ROBO2: variants seen among roughly 807,000 people sequenced by gnomAD.
The protein encoded by ROBO2 is roundabout guidance receptor 2, also known as roundabout homolog 2.
A neutral mutation model predicts 160.8 loss-of-function variants in ROBO2; 53 were observed. That is an observed-to-expected ratio of 0.33 (90% CI 0.26 to 0.41). ROBO2 has a LOEUF of 0.41. Ranked by LOEUF, ROBO2 falls within the 10% of genes least tolerant of loss-of-function variation. The pLI, the probability that ROBO2 is intolerant of heterozygous loss-of-function variation, is 1.00. For missense variants in ROBO2, 1,577 were observed against 1,722.4 expected (o/e 0.92, Z 1.49); for synonymous variants, 664 against 611.7 (o/e 1.09, Z -1.26).
rs187049254 is a variant in ROBO2 at position 76,375,413 on chromosome 3, G to A, written c.109+437811G>A. On this transcript the variant is annotated intron_variant, in intron 2 of 26. Coordinates refer to the ROBO2 transcript ENST00000487694. ...CTCAAATAATCTTGAGTACTTCCAC[G>A]CATGCAGTCATGTATTCATCTAATA... 1.2e-4 allele frequency among the ~76,000 whole-genome samples: 19 copies of A among 152,018 alleles called. No individual in the cohort carries two copies. The East Asian group carries it at 2.1e-3, about 17-fold the overall frequency.
At chr3:77,556,104 G>A (rs1221504567) in intron 8 of ROBO2, among the ~76,000 whole-genome samples, 1 of 151,680 alleles carries the variant, frequency 6.6e-6, no homozygotes, top group Admixed American at 6.6e-5. Flanking sequence ...AATTTAATTA[G>A]TATGCTTTAC....
intron 2 of ROBO2, among the ~76,000 whole-genome samples, chr3:77,239,047 T>A (rs1282692954): frequency 6.6e-6 from 1 of 152,158 alleles, no homozygotes; most frequent in African/African-American, 2.4e-5. Context: ...ACACAAAAAG[T>A]CAGTCCCCCA....
At chr3:76,731,799 G>T (rs980218454) in intron 2 of ROBO2, among the ~76,000 whole-genome samples, 5 of 152,178 alleles carry the variant, frequency 3.3e-5, no homozygotes, top group African/African-American at 7.2e-5. Flanking sequence ...AAGAAAGGAC[G>T]ATGTCTTAGG....
intron 2 of ROBO2, among the ~76,000 whole-genome samples, chr3:76,942,466 T>C (rs2078252657): frequency 6.6e-6 from 1 of 152,250 alleles, no homozygotes; most frequent in Admixed American, 6.5e-5. Flanking sequence ...AACTTGCTTA[T>C]AATTTTTTGC....
chr3:76,020,447 A>T, intron 2 of ROBO2, among the ~76,000 whole-genome samples: 1 of 151,148 alleles, frequency 6.6e-6, no homozygotes, highest in Non-Finnish European at 1.5e-5. Context: ...ACTTTTTATC[A>T]CTTTTTCTGC....
chr3:76,321,168 A>G lies in ROBO2; in HGVS notation c.109+383566A>G, dbSNP rs111955948. 5.7e-3 allele frequency among the ~76,000 whole-genome samples: 866 copies of G among 152,302 alleles called. 9 individuals are homozygous for G. The highest frequency in any genetic ancestry group is 0.019 in the African/African-American group (788 of 41,570). ...TCCTAGGCTCTAAATAGAGCAATAT[A>G]AAAGGAAAATATATTTCAAACAATG... is the stretch of plus-strand genomic sequence containing the variant. On this transcript the variant is annotated intron_variant, in intron 2 of 26. Transcript: ENST00000487694.
chr3:76,721,440 T>C (rs977093397), intron 2 of ROBO2, among the ~76,000 whole-genome samples: 1 of 152,226 alleles, frequency 6.6e-6, no homozygotes, highest in East Asian at 1.9e-4. Context: ...CGTTGTGATA[T>C]ATTAGTAGTC....
intron 2 of ROBO2, among the ~76,000 whole-genome samples, chr3:77,292,992 T>C (rs1241060235): frequency 1.3e-5 from 2 of 148,716 alleles, no homozygotes; most frequent in African/African-American, 2.5e-5. Context: ...AAATTGACGG[T>C]TAAACGGGTA....
chr3:77,313,797 T>C (rs1317146626), intron 2 of ROBO2, among the ~76,000 whole-genome samples: 1 of 152,194 alleles, frequency 6.6e-6, no homozygotes, highest in Non-Finnish European at 1.5e-5. Flanking sequence ...TTGATCACGC[T>C]GGTCTCGAAC....
chr3:77,284,568 A>AAC (rs1432523793), intron 2 of ROBO2, among the ~76,000 whole-genome samples: 1 of 152,142 alleles, frequency 6.6e-6, no homozygotes, highest in Admixed American at 6.6e-5. Context: ...AAACTACATT[A>AAC]CTGTAGTCTG....
At position 76,256,945 on chromosome 3, in the gene ROBO2, C is replaced by A. The variant is rs554467340; in HGVS notation, c.109+319343C>A. On this transcript the variant is annotated intron_variant, in intron 2 of 26. Coordinates refer to the ROBO2 transcript ENST00000487694. The stretch of plus-strand genomic sequence containing the variant: ...AGAGAGAGAGTGGGGCGGGGAGGGA[C>A]CACACACATAAAACAAGCAGATATC... Among the ~76,000 whole-genome samples the A allele has an allele frequency of 3.8e-4, 57 of 151,900 alleles. 1 individual carries two copies. Among genetic ancestry groups the A allele is most frequent in the African/African-American group, 1.3e-3 (55 of 41,450 alleles).
At chr3:76,041,983 T>TGAGAGA (rs76942939) in intron 2 of ROBO2, among the ~76,000 whole-genome samples, 1 of 142,554 alleles carries the variant, frequency 7.0e-6, no homozygotes, top group Non-Finnish European at 1.5e-5. Context: ...TGACAGAGAG[T>TGAGAGA]GAGAGAGAGA....
intron 2 of ROBO2, among the ~76,000 whole-genome samples, chr3:76,506,118 A>G (rs1416516170): frequency 6.6e-5 from 10 of 152,178 alleles, no homozygotes; most frequent in African/African-American, 2.4e-4. Context: ...TGTCTAGTTC[A>G]ACAGCCCTCG....
intron 2 of ROBO2, among the ~76,000 whole-genome samples, chr3:76,691,207 C>T (rs796193989): frequency 1.5e-4 from 23 of 152,070 alleles, no homozygotes; most frequent in Middle Eastern, 3.4e-3. Context: ...GGAATAAGTT[C>T]GGCCCAATTT....
At position 76,203,654 on chromosome 3, in the gene ROBO2, G is replaced by A. The variant is rs200090182; in HGVS notation, c.109+266052G>A. On this transcript the variant is annotated intron_variant, in intron 2 of 26. Transcript: ENST00000487694. Reference sequence around the variant, plus strand: ...CTGTGTGAGATTGCCTCAGGCTATCGGCTTCCCGGTCAACAGATCACAGGT... The same window carrying A: ...CTGTGTGAGATTGCCTCAGGCTATCAGCTTCCCGGTCAACAGATCACAGGT... Among the ~76,000 whole-genome samples the A allele has an allele frequency of 1.8e-4, 26 of 147,324 alleles. No individual in the cohort carries two copies. The South Asian group carries it at 2.9e-3, about 17-fold the overall frequency.
At chr3:76,794,472 A>G (rs1408082818) in intron 2 of ROBO2, among the ~76,000 whole-genome samples, 3 of 152,000 alleles carry the variant, frequency 2.0e-5, no homozygotes, top group African/African-American at 7.2e-5. Context: ...TAAATATAGT[A>G]TACGTGAAGG....
In ROBO2 at chr3:76,400,881, G is replaced by A. The variant is rs558924384; in HGVS notation, c.109+463279G>A. Among the ~76,000 whole-genome samples, 5 of 151,510 alleles carry A rather than the reference G, an allele frequency of 3.3e-5. No individual in the cohort carries two copies. The South Asian group carries it at 8.3e-4, about 25-fold the overall frequency. ...TTATACAAAATAGATCCACAAGAAA[G>A]TTTCAACTCTTGTTTTGCAGATTGC... On this transcript the variant is annotated intron_variant, in intron 2 of 26. Transcript: ENST00000487694.
chr3:77,038,772 C>T (rs1336693086), upstream of ROBO2, among the ~76,000 whole-genome samples: 1 of 152,212 alleles, frequency 6.6e-6, no homozygotes, highest in African/African-American at 2.4e-5. Flanking sequence ...TCATCATCCC[C>T]GGTCCTGAAT....
intron 22 of ROBO2, 118 bp downstream of exon 23, chr3:77,617,891 A>G (rs2094816325): frequency 4.4e-6 from 5 of 1,145,930 alleles, no homozygotes; most frequent in East Asian, 2.5e-5. Flanking sequence ...GTGATTTTGT[A>G]TGACTCCTTA....
Sources: gnomAD v4.1 joint callset for allele counts (sites outside exome capture counted in the v4.1 genomes callset) on GRCh38, gnomAD v4.1.1 for gene constraint, MANE v1.5 for transcripts, NCBI Gene and HGNC (gene_info 2026-07-23, HGNC 2026-07-21) for gene names.